Variants in RMDN1 observed in about 807,000 individuals in gnomAD.
RMDN1 encodes regulator of microtubule dynamics 1, also known as regulator of microtubule dynamics protein 1.
RMDN1 carries 48 observed loss-of-function variants against 48.9 expected under a neutral mutation model. The ratio of observed to expected loss-of-function variants is 0.98; its 90% CI spans 0.78 to 1.25. The LOEUF (loss-of-function observed/expected upper bound fraction) is 1.25, where lower values mean the gene tolerates loss of function less well. Among genes scored for constraint, RMDN1 ranks in the 50% most tolerant of loss-of-function variants. The pLI, the probability that RMDN1 is intolerant of heterozygous loss-of-function variation, is 0.00. For synonymous variants in RMDN1, 148 were observed against 132.6 expected (o/e 1.12, Z -0.80); for missense variants, 418 against 373.4 (o/e 1.12, Z -0.98).
intron 2 of RMDN1, among the ~76,000 whole-genome samples, chr8:86,502,271 C>T (rs1818378903): frequency 6.6e-6 from 1 of 151,932 alleles, no homozygotes; most frequent in South Asian, 2.1e-4. Context: ...AGGTCTTGCT[C>T]CGTTGCCTAG....
intron 1 of RMDN1, among the ~76,000 whole-genome samples, chr8:86,513,767 A>G (rs1442448268): frequency 1.3e-5 from 2 of 152,240 alleles, no homozygotes; most frequent in African/African-American, 2.4e-5. Context: ...TAGTGTGCAC[A>G]TTAAGAATGC....
chr8:86,509,505 A>C (rs190551974), upstream of RMDN1, among the ~76,000 whole-genome samples: 180 of 152,290 alleles, frequency 1.2e-3, 1 homozygote, highest in African/African-American at 4.2e-3. Flanking sequence ...ATATGGGTTT[A>C]ACGAAAAATC....
intron 5 of RMDN1, among the ~76,000 whole-genome samples, chr8:86,481,560 C>CTTTTTT (rs71275857): frequency 1.1e-4 from 11 of 104,472 alleles, no homozygotes; most frequent in Non-Finnish European, 1.5e-4. Context: ...ATTAATTTTC[C>CTTTTTT]TTTTTTTTTT....
chr8:86,486,332 T>C, intron 4 of RMDN1, 152 bp downstream of exon 4: 1 of 458,106 alleles, frequency 2.2e-6, no homozygotes, highest in Non-Finnish European at 3.6e-6. Flanking sequence ...TTCTTTAAAA[T>C]AGAGAAATTA....
intron 5 of RMDN1, among the ~76,000 whole-genome samples, chr8:86,483,782 A>G (rs376896013): frequency 4.6e-5 from 7 of 151,172 alleles, no homozygotes; most frequent in African/African-American, 1.7e-4. Context: ...TTTCCTTCCT[A>G]TAATCTCAAA....
intron 2 of RMDN1, among the ~76,000 whole-genome samples, chr8:86,493,979 A>G (rs1225037228): frequency 2.0e-5 from 3 of 152,152 alleles, no homozygotes; most frequent in Admixed American, 1.3e-4. Flanking sequence ...GATCTCACTT[A>G]TATGTGGAAT....
intron 2 of RMDN1, among the ~76,000 whole-genome samples, chr8:86,503,065 T>C (rs1275216698): frequency 2.0e-5 from 3 of 151,870 alleles, no homozygotes; most frequent in Non-Finnish European, 2.9e-5. Flanking sequence ...TAAAAATAAC[T>C]AAGTTAGGCC....
At chr8:86,484,791 C>A in intron 5 of RMDN1, 81 bp downstream of exon 5, 2 of 683,742 alleles carry the variant, frequency 2.9e-6, no homozygotes, top group East Asian at 3.1e-5. Context: ...GTTTGATATA[C>A]AGCAATAGAT....
At chr8:86,505,588 CA>C (rs1819186575) in intron 2 of RMDN1, among the ~76,000 whole-genome samples, 1 of 152,134 alleles carries the variant, frequency 6.6e-6, no homozygotes, top group African/African-American at 2.4e-5. Context: ...TTCTGGGATA[CA>C]GGTGCAGAAT....
In RMDN1 at chr8:86,492,333, T is replaced by TG. The variant is rs774686609; in HGVS notation, c.248-3695dup. On this transcript the variant is annotated intron_variant, in intron 2 of 9. Coordinates refer to ENST00000406452, the MANE Select transcript of RMDN1 (RefSeq NM_016033.3). ...GTACTATGAATGTATTAGCATACCT[T>TG]GGGGCTTTAAATTTTGTCTATTTTA... Among the ~76,000 whole-genome samples the TG allele has an allele frequency of 9.9e-5, 15 of 152,258 alleles. 1 individual carries two copies. The South Asian group carries it at 1.5e-3, about 15-fold the overall frequency.
chr8:86,508,799 G>C (rs1306904671), upstream of RMDN1: 1 of 1,329,800 alleles, frequency 7.5e-7, no homozygotes, highest in African/African-American at 1.5e-5. Context: ...CGGGCTTAGG[G>C]GGTGGGAAAT....
chr8:86,473,295 C>G lies in RMDN1; in HGVS notation c.*1013G>C, dbSNP rs963051075. Reference sequence around the variant, plus strand: ...ATTCAAGATGCTCCTTTTTACAAAACTTAAAAAGATTTTGCAGTGGTGGCA... The same window carrying G: ...ATTCAAGATGCTCCTTTTTACAAAAGTTAAAAAGATTTTGCAGTGGTGGCA... On this transcript the variant is annotated 3_prime_UTR_variant, in exon 10 of 10. Coordinates refer to ENST00000406452, the MANE Select transcript of RMDN1 (RefSeq NM_016033.3). 1 of 985,372 alleles carries G rather than the reference C, an allele frequency of 1.0e-6. No individual in the cohort carries two copies. The highest frequency in any genetic ancestry group is 1.2e-6 in the Non-Finnish European group (1 of 829,904). The allele number at this position is 985,372 out of a possible 1,614,324, so 61.0% of individuals were successfully genotyped here. A position where few individuals can be genotyped will look rare whatever the true frequency, so the allele number is the denominator to read the frequency against.
At chr8:86,470,053 G>T, downstream of RMDN1, 1 of 573,778 alleles carries the variant, frequency 1.7e-6, no homozygotes, top group Non-Finnish European at 2.2e-6. Flanking sequence ...GAGATAACTT[G>T]GCCATCAAGA....
Position 86,474,182 on chromosome 8 carries a change from T to C in RMDN1, c.*126A>G. ...GTGAAGAAGCCTAGAATATTTTATA[T>C]TTACACGGTTAAATGGTCACAACAT... On this transcript the variant is annotated 3_prime_UTR_variant, in exon 10 of 10. Coordinates refer to ENST00000406452, the MANE Select transcript of RMDN1 (RefSeq NM_016033.3). The C allele has an allele frequency of 2.8e-6, 4 of 1,449,796 alleles. No individual in the cohort carries two copies. The South Asian group carries it at 4.6e-5, about 17-fold the overall frequency. 89.8% of individuals were successfully genotyped at this position (1,449,796 alleles called of 1,614,324 possible).
At chr8:86,469,075 A>G (rs1166102267), downstream of RMDN1, among the ~76,000 whole-genome samples, 1 of 151,590 alleles carries the variant, frequency 6.6e-6, no homozygotes, top group Admixed American at 6.6e-5. Context: ...GCCCAATACA[A>G]TTCTGTCTGT....
rs1270504891 is a variant in RMDN1, at chr8:86,505,710, G to T, written c.247+1285C>A. On this transcript the variant is annotated intron_variant, in intron 2 of 9. Coordinates refer to ENST00000406452, the MANE Select transcript of RMDN1 (RefSeq NM_016033.3). Reference sequence around the variant, plus strand: ...AAGGAAATTGAGATTGGAGGGAGGTGTTTAAAGAGAGGTTATACAGTAGAA... The same window carrying T: ...AAGGAAATTGAGATTGGAGGGAGGTTTTTAAAGAGAGGTTATACAGTAGAA... Among the ~76,000 whole-genome samples, 2 of 152,176 alleles carry T rather than the reference G, an allele frequency of 1.3e-5. 1 individual carries two copies.
chr8:86,482,070 G>A (rs1045804068), intron 5 of RMDN1: 6 of 630,332 alleles, frequency 9.5e-6, no homozygotes, highest in East Asian at 5.7e-5. Flanking sequence ...TAAAGCTCAC[G>A]CGGCACGCAG....
rs948166307 is a variant in RMDN1 at position 86,481,976 on chromosome 8, A to G, written c.586-1644T>C. Reference sequence around the variant, plus strand: ...CATCTTGCTGCAAGCAGAAATCCACATGTGGAAATGGTGTCCAGGAGTACA... The same window carrying G: ...CATCTTGCTGCAAGCAGAAATCCACGTGTGGAAATGGTGTCCAGGAGTACA... On this transcript the variant is annotated intron_variant, in intron 5 of 9. Transcript: ENST00000406452. 3 of 869,252 alleles carry G rather than the reference A, an allele frequency of 3.5e-6. No individual in the cohort carries two copies. The African/African-American group carries it at 5.1e-5, about 15-fold the overall frequency. The allele number at this position is 869,252 out of a possible 1,614,324, so 53.8% of individuals were successfully genotyped here.
chr8:86,483,407 C>G (rs1297996020), intron 5 of RMDN1, among the ~76,000 whole-genome samples: 1 of 152,054 alleles, frequency 6.6e-6, no homozygotes, highest in African/African-American at 2.4e-5. Flanking sequence ...TTATCTAATG[C>G]CACTGAGAAA....
Sources: gnomAD v4.1 joint callset for allele counts (sites outside exome capture counted in the v4.1 genomes callset) on GRCh38, gnomAD v4.1.1 for gene constraint, MANE v1.5 for transcripts, NCBI Gene and HGNC (gene_info 2026-07-23, HGNC 2026-07-21) for gene names.